Variants in UBASH3B observed in about 807,000 individuals in gnomAD.
UBASH3B encodes ubiquitin-associated and SH3 domain-containing protein B.
A neutral mutation model predicts 83.4 loss-of-function variants in UBASH3B; 37 were observed. The observed-to-expected ratio is 0.44, with a 90% CI of 0.34 to 0.58. UBASH3B has a LOEUF of 0.58. UBASH3B is among the 20% of genes least tolerant of loss of function. The pLI is 0.01. For synonymous variants in UBASH3B, 304 were observed against 318.3 expected (o/e 0.96, Z 0.48); for missense variants, 657 against 827.2 (o/e 0.79, Z 2.52).
intron 1 of UBASH3B, among the ~76,000 whole-genome samples, chr11:122,734,095 C>T (rs1015493733): frequency 2.0e-5 from 3 of 152,142 alleles, no homozygotes; most frequent in African/African-American, 7.2e-5. Context: ...CCATCTTGGC[C>T]AGGCTGGTCT....
intron 1 of UBASH3B, among the ~76,000 whole-genome samples, chr11:122,773,095 A>G (rs1221959760): frequency 6.6e-6 from 1 of 152,162 alleles, no homozygotes; most frequent in African/African-American, 2.4e-5. Context: ...GTCTGAGTAA[A>G]CTCTCTGCCA....
chr11:122,694,688 T>A (rs1357566749), intron 1 of UBASH3B, among the ~76,000 whole-genome samples: 2 of 152,186 alleles, frequency 1.3e-5, no homozygotes, highest in African/African-American at 4.8e-5. Flanking sequence ...GGAAATGCTG[T>A]TATTGATAAT....
At chr11:122,697,772 C>T (rs527388229) in intron 1 of UBASH3B, among the ~76,000 whole-genome samples, 187 of 152,232 alleles carry the variant, frequency 1.2e-3, no homozygotes, top group Middle Eastern at 6.8e-3. Flanking sequence ...TGAGTCATTG[C>T]GTTGCACCAT....
At chr11:122,707,802 G>A (rs1268668041) in intron 1 of UBASH3B, among the ~76,000 whole-genome samples, 2 of 151,608 alleles carry the variant, frequency 1.3e-5, no homozygotes, top group South Asian at 2.1e-4. Context: ...GTGTTCAAGC[G>A]ATTCTTCTGC....
chr11:122,739,859 C>T (rs768104015), intron 1 of UBASH3B, among the ~76,000 whole-genome samples: 16 of 152,186 alleles, frequency 1.1e-4, no homozygotes, highest in African/African-American at 3.4e-4. Flanking sequence ...ACACATCCTT[C>T]AGACAGATGG....
chr11:122,789,553 G>C (rs1222960455), intron 6 of UBASH3B, among the ~76,000 whole-genome samples: 1 of 152,168 alleles, frequency 6.6e-6, no homozygotes, highest in East Asian at 1.9e-4. Context: ...AACTGAGGTG[G>C]CTTGGGGTCC....
At chr11:122,747,802 G>T (rs893815183) in intron 1 of UBASH3B, among the ~76,000 whole-genome samples, 1 of 152,178 alleles carries the variant, frequency 6.6e-6, no homozygotes, top group African/African-American at 2.4e-5. Context: ...GCATGGAGAG[G>T]AACTCAAACT....
intron 1 of UBASH3B, among the ~76,000 whole-genome samples, chr11:122,714,207 G>C (rs1016064049): frequency 1.3e-5 from 2 of 152,180 alleles, no homozygotes; most frequent in African/African-American, 4.8e-5. Context: ...CTCATATTGG[G>C]ATTCCCCTAA....
chr11:122,720,122 T>A (rs1183152965), intron 1 of UBASH3B, among the ~76,000 whole-genome samples: 1 of 152,140 alleles, frequency 6.6e-6, no homozygotes, highest in Non-Finnish European at 1.5e-5. Context: ...ACTCCTGCAC[T>A]TACATCCCCC....
intron 5 of UBASH3B, 127 bp from the exon 6 acceptor site, chr11:122,788,973 C>T (rs999500979): frequency 2.4e-6 from 2 of 833,402 alleles, no homozygotes; most frequent in East Asian, 2.5e-5. Flanking sequence ...CTGCAGACCC[C>T]AAGGGCTCCT....
At chr11:122,678,126 C>A (rs922473681) in intron 1 of UBASH3B, among the ~76,000 whole-genome samples, 1 of 152,202 alleles carries the variant, frequency 6.6e-6, no homozygotes, top group Admixed American at 6.5e-5. Context: ...CTTGTCTAAC[C>A]CTAATTACCT....
At chr11:122,771,080 C>T (rs531150684) in intron 1 of UBASH3B, among the ~76,000 whole-genome samples, 1 of 152,206 alleles carries the variant, frequency 6.6e-6, no homozygotes, top group Non-Finnish European at 1.5e-5. Context: ...TTACCCTCAT[C>T]CAGCTTTACA....
At chr11:122,675,191 G>C (rs1295223061) in intron 1 of UBASH3B, among the ~76,000 whole-genome samples, 1 of 152,138 alleles carries the variant, frequency 6.6e-6, no homozygotes, top group African/African-American at 2.4e-5. Flanking sequence ...TGCTTTGCTG[G>C]TTTATTTTTG....
chr11:122,778,894 T>C (rs984925827), intron 3 of UBASH3B, among the ~76,000 whole-genome samples: 1 of 152,332 alleles, frequency 6.6e-6, no homozygotes, highest in African/African-American at 2.4e-5. Context: ...CATGAGCCAC[T>C]GCGCCCAGCC....
Position 122,796,957 on chromosome 11 carries a change from G to A in UBASH3B, c.1281G>A (p.Gln427=), listed in dbSNP as rs111571941. The A allele has an allele frequency of 3.4e-3, 5,546 of 1,614,102 alleles. 161 individuals are homozygous for A. The African/African-American group carries it at 0.062, about 18-fold the overall frequency. ...TNLNMPHSLP[Q]RSGGFRDYEK... ...TGAACATGCCTCATAGTTTACCTCA[G>A]CGGAGTGGTGGTTTCCGAGATTACG... The change falls in exon 9 of 14, where the codon CAG becomes CAA. Residue 427 remains glutamine, a synonymous_variant. Coordinates refer to ENST00000284273, the MANE Select transcript of UBASH3B (RefSeq NM_032873.5).
At position 122,715,993 on chromosome 11, in the gene UBASH3B, TC is replaced by T. The variant is rs1860518827; in HGVS notation, c.161+59786del. Among the ~76,000 whole-genome samples the T allele has an allele frequency of 3.9e-5, 6 of 152,362 alleles. No individual in the cohort carries two copies. The South Asian group carries it at 1.2e-3, about 32-fold the overall frequency. ...GAGATTCAAGTGCTTCCTTTCTTTGTCCCTGTTTCAGCTTTCTCTTTCCAGT... is the reference window on the plus strand; with the variant it reads ...GAGATTCAAGTGCTTCCTTTCTTTGTCCTGTTTCAGCTTTCTCTTTCCAGT... On this transcript the variant is annotated intron_variant, in intron 1 of 13. Transcript: ENST00000284273.
Position 122,776,142 on chromosome 11 carries a change from C to T in UBASH3B, c.162-77C>T. On this transcript the variant is annotated intron_variant, in intron 1 of 13. Coordinates refer to ENST00000284273, the MANE Select transcript of UBASH3B (RefSeq NM_032873.5). ...GGAACACAGGCTTTGATGTCGCCTC[C>T]TTCACACTCAGCTCTTGCCACTGCA... 7.2e-6 allele frequency: 10 copies of T among 1,387,458 alleles called. No homozygotes were observed. In the South Asian group the frequency reaches 9.8e-5, roughly 14 times the overall value. 85.9% of individuals were successfully genotyped at this position (1,387,458 alleles called of 1,614,324 possible).
chr11:122,807,399 C>T (rs979414103), intron 12 of UBASH3B, among the ~76,000 whole-genome samples: 19 of 152,248 alleles, frequency 1.2e-4, no homozygotes, highest in South Asian at 4.1e-4. Context: ...AATCTGAATA[C>T]GCTGTGTGTA....
At chr11:122,679,707 G>A (rs577770291) in intron 1 of UBASH3B, among the ~76,000 whole-genome samples, 5 of 152,312 alleles carry the variant, frequency 3.3e-5, no homozygotes, top group African/African-American at 1.2e-4. Flanking sequence ...AGACATGGAT[G>A]ATATATAAAC....
Sources: gnomAD v4.1 joint callset for allele counts (sites outside exome capture counted in the v4.1 genomes callset) on GRCh38, gnomAD v4.1.1 for gene constraint, MANE v1.5 for transcripts, NCBI Gene and HGNC (gene_info 2026-07-23, HGNC 2026-07-21) for gene names.